LGALS4: variants seen among roughly 807,000 people sequenced by gnomAD.
The protein encoded by LGALS4 is galectin-4.
In LGALS4, 37 loss-of-function variants were observed where a neutral mutation model predicts 39.6. The observed-to-expected ratio is 0.93, with a 90% CI of 0.72 to 1.23. The LOEUF (loss-of-function observed/expected upper bound fraction) is 1.23, where lower values mean the gene tolerates loss of function less well. LGALS4 is among the 50% of genes most tolerant of loss of function. LGALS4 has a pLI of 0.00. For synonymous variants in LGALS4, 160 were observed against 165.5 expected (o/e 0.97, Z 0.25); for missense variants, 397 against 433.2 (o/e 0.92, Z 0.74).
intron 3 of LGALS4, among the ~76,000 whole-genome samples, chr19:38,807,542 C>T (rs1310413481): frequency 6.6e-6 from 1 of 151,632 alleles, no homozygotes; most frequent in South Asian, 2.1e-4. Context: ...AGGTGAGGAG[C>T]GCCTCTGCCC....
At chr19:38,810,715 G>A (rs1445295429) in intron 2 of LGALS4, among the ~76,000 whole-genome samples, 1 of 151,780 alleles carries the variant, frequency 6.6e-6, no homozygotes, top group Non-Finnish European at 1.5e-5. Context: ...GACCTCAGGT[G>A]ATCTGCCTGG....
Position 38,808,724 on chromosome 19 carries a change from A to G in LGALS4, c.339+20T>C. 1 of 1,605,316 alleles carries G rather than the reference A, an allele frequency of 6.2e-7. No homozygotes were observed. Among genetic ancestry groups the G allele is most frequent in the Non-Finnish European group, 8.5e-7 (1 of 1,172,932 alleles). On this transcript the variant is annotated intron_variant, in intron 3 of 9. Coordinates refer to ENST00000307751, the MANE Select transcript of LGALS4 (RefSeq NM_006149.4). ...GCCACTGCACTCCAGCTTGGGAAAC[A>G]AGAGAGAAAGCATGCAGACCTTGTA... is the stretch of plus-strand genomic sequence containing the variant.
chr19:38,812,815 G>T, intron 1 of LGALS4, 27 bp downstream of exon 1: 1 of 1,609,050 alleles, frequency 6.2e-7, no homozygotes, highest in East Asian at 2.2e-5. Flanking sequence ...AGCTGCGGGC[G>T]GAGTGGGGCC....
chr19:38,805,091 G>A lies in LGALS4; in HGVS notation c.475-1196C>T, dbSNP rs867133197. ...AGGTGGGAGGATCACTTGAACCCAG[G>A]AAGTCAAGAATACAGTAGGCTGTGA... On this transcript the variant is annotated intron_variant, in intron 4 of 9. Transcript: ENST00000307751. Among the ~76,000 whole-genome samples the A allele has an allele frequency of 5.8e-4, 88 of 150,960 alleles. 1 individual carries two copies. Among genetic ancestry groups the A allele is most frequent in the African/African-American group, 2.0e-3 (81 of 41,188 alleles).
chr19:38,803,789 TGGACAGAA>T lies in LGALS4; in HGVS notation c.502-17_502-10del. ...TGGCAATGTCCGGGACCCTGAACGATGGACAGAAGGCAGGAAGGGTGAGAGGGGCTGAG... is the reference window on the plus strand; with the variant it reads ...TGGCAATGTCCGGGACCCTGAACGATGGCAGGAAGGGTGAGAGGGGCTGAG... On this transcript the variant is annotated splice_polypyrimidine_tract_variant and intron_variant, in intron 5 of 9. Transcript: ENST00000307751. 6.2e-7 allele frequency: 1 copy of T among 1,613,614 alleles called. No individual in the cohort carries two copies. Among genetic ancestry groups the T allele is most frequent in the Non-Finnish European group, 8.5e-7 (1 of 1,179,868 alleles).
chr19:38,812,730 TA>T, intron 1 of LGALS4, 111 bp downstream of exon 1: 1 of 1,223,120 alleles, frequency 8.2e-7, no homozygotes, highest in Non-Finnish European at 1.2e-6. Flanking sequence ...CAGCTTTGGG[TA>T]AATCAGACCA....
At chr19:38,812,610 G>A in intron 1 of LGALS4, 91 bp from the exon 2 acceptor site, 3 of 1,245,944 alleles carry the variant, frequency 2.4e-6, no homozygotes, top group Non-Finnish European at 3.5e-6. Context: ...CCCTTAAGCA[G>A]GAGAGAGGAA....
intron 6 of LGALS4, 42 bp downstream of exon 6, chr19:38,803,700 T>C: frequency 6.2e-7 from 1 of 1,607,560 alleles, no homozygotes. Flanking sequence ...ATTCTCACCA[T>C]TCCCACTCCT....
At chr19:38,811,028 A>C (rs1204754947) in intron 2 of LGALS4, among the ~76,000 whole-genome samples, 1 of 149,816 alleles carries the variant, frequency 6.7e-6, no homozygotes, top group Non-Finnish European at 1.5e-5. Flanking sequence ...CAGCCTCCTG[A>C]GTAGCTGGGA....
chr19:38,807,810 TAATCTGTA>T (rs1971440225), intron 3 of LGALS4, among the ~76,000 whole-genome samples: 1 of 152,244 alleles, frequency 6.6e-6, no homozygotes. Flanking sequence ...GAGTTGCTGT[TAATCTGTA>T]ACCTTACCCT....
At chr19:38,812,707 C>T (rs1049545138) in intron 1 of LGALS4, 135 bp downstream of exon 1, 20 of 1,059,180 alleles carry the variant, frequency 1.9e-5, no homozygotes, top group African/African-American at 1.6e-5. Context: ...AGGAGTAAAT[C>T]GAGGGTCGGG....
At chr19:38,804,479 A>G (rs1367865201) in intron 4 of LGALS4, among the ~76,000 whole-genome samples, 1 of 152,038 alleles carries the variant, frequency 6.6e-6, no homozygotes, top group Non-Finnish European at 1.5e-5. Context: ...GGGTTTCTCC[A>G]TGTTGGTCAG....
chr19:38,803,447 C>A, intron 7 of LGALS4, 75 bp downstream of exon 7: 1 of 1,514,388 alleles, frequency 6.6e-7, no homozygotes, highest in East Asian at 2.3e-5. Context: ...AGCCCACTCC[C>A]TTTCTGGCTG....
chr19:38,805,731 T>C (rs1453152339), intron 4 of LGALS4, among the ~76,000 whole-genome samples: 2 of 152,124 alleles, frequency 1.3e-5, no homozygotes, highest in East Asian at 3.9e-4. Context: ...TGATCATCAC[T>C]GGGCTCTTGG....
chr19:38,802,240 G>A lies in LGALS4; in HGVS notation c.659+76C>T. The A allele has an allele frequency of 1.9e-6, 3 of 1,595,636 alleles. No individual in the cohort carries two copies. The South Asian group carries it at 3.3e-5, about 18-fold the overall frequency. On this transcript the variant is annotated intron_variant, in intron 8 of 9. Coordinates refer to ENST00000307751, the MANE Select transcript of LGALS4 (RefSeq NM_006149.4). ...GCTGGACCTCTGAATCCCTAAAGGA[G>A]GAGGGGACAGAGGGTCTAGATTGTT...
chr19:38,807,931 A>G (rs186845762), intron 3 of LGALS4, among the ~76,000 whole-genome samples: 12 of 152,178 alleles, frequency 7.9e-5, no homozygotes, highest in African/African-American at 2.2e-4. Context: ...CATGCTCCTT[A>G]AGAGTCATCA....
At chr19:38,808,084 C>T (rs906098178) in intron 3 of LGALS4, among the ~76,000 whole-genome samples, 8 of 151,492 alleles carry the variant, frequency 5.3e-5, no homozygotes, top group African/African-American at 1.7e-4. Flanking sequence ...TGCCACATCC[C>T]CCTCTCTGAG....
chr19:38,804,436 C>T (rs966743412), intron 4 of LGALS4, among the ~76,000 whole-genome samples: 10 of 152,140 alleles, frequency 6.6e-5, no homozygotes, highest in African/African-American at 1.4e-4. Context: ...TGCGCCACCA[C>T]GCCCAGCTAA....
Position 38,811,192 on chromosome 19 carries a change from C to T in LGALS4, c.134+1239G>A, listed in dbSNP as rs374376350. Among the ~76,000 whole-genome samples the T allele has an allele frequency of 2.3e-3, 357 of 152,220 alleles. 1 individual carries two copies. Among genetic ancestry groups the T allele is most frequent in the African/African-American group, 8.2e-3 (339 of 41,544 alleles). ...CTGGGATTACAGGCCTGAGCTACCGCGCCCGGCCTGGACTTATTTTTTATG... is the reference window on the plus strand; with the variant it reads ...CTGGGATTACAGGCCTGAGCTACCGTGCCCGGCCTGGACTTATTTTTTATG... On this transcript the variant is annotated intron_variant, in intron 2 of 9. Transcript: ENST00000307751.
Sources: gnomAD v4.1 joint callset for allele counts (sites outside exome capture counted in the v4.1 genomes callset) on GRCh38, gnomAD v4.1.1 for gene constraint, MANE v1.5 for transcripts, NCBI Gene and HGNC (gene_info 2026-07-23, HGNC 2026-07-21) for gene names.